The following SPTBN2 variants were observed in gnomAD, a reference collection of about 807,000 sequenced individuals.
SPTBN2 encodes the protein spectrin beta, non-erythrocytic 2.
A neutral mutation model predicts 284.2 loss-of-function variants in SPTBN2; 107 were observed. The observed-to-expected ratio is 0.38, with a 90% CI of 0.32 to 0.44. SPTBN2 has a LOEUF of 0.44. Ranked by LOEUF, SPTBN2 falls within the 20% of genes least tolerant of loss-of-function variation. The pLI is 1.00. For synonymous variants in SPTBN2, 1,289 were observed against 1,354.8 expected (o/e 0.95, Z 1.07); for missense variants, 2,569 against 3,287.1 (o/e 0.78, Z 5.34).
At chr11:66,696,680 C>T (rs541310672) in intron 20 of SPTBN2, 140 bp from the exon 21 acceptor site, 18 of 1,199,272 alleles carry the variant, frequency 1.5e-5, no homozygotes, top group Non-Finnish European at 2.2e-5. Context: ...CTTATCGACA[C>T]ACTCTTCACG....
At chr11:66,722,794 G>A (rs890812429) in intron 1 of SPTBN2, among the ~76,000 whole-genome samples, 24 of 150,288 alleles carry the variant, frequency 1.6e-4, no homozygotes, top group African/African-American at 5.6e-4. Flanking sequence ...CGGGGAGGCT[G>A]AGACAGGAGA....
At position 66,700,765 on chromosome 11, in the gene SPTBN2, C is replaced by T. The variant is rs1349095738; in HGVS notation, c.3334G>A (p.Gly1112Arg). The part of the protein sequence containing the change: ...ALLAQHAALR[G>R]EVERAQSEYS... ...TCGCTCTGGGCCCGCTCCACCTCTCCCCGCAGGGCTGCATGTTGGGCCAGG... is the reference window on the plus strand; with the variant it reads ...TCGCTCTGGGCCCGCTCCACCTCTCTCCGCAGGGCTGCATGTTGGGCCAGG... The change falls in exon 17 of 38, where the codon GGA (glycine) becomes AGA (arginine). Residue 1112 changes from glycine to arginine, a missense_variant. Around this residue, in one of 6 missense-constraint regions of SPTBN2, gnomAD observed 1,012 missense variants for 1,248.9 expected, o/e 0.81. Transcript: ENST00000533211. This position sits in a 1 kb window ranked among gnomAD's most constrained non-coding sequence, Gnocchi z 6.6. 1.9e-6 allele frequency: 3 copies of T among 1,602,132 alleles called. No individual in the cohort carries two copies. Among genetic ancestry groups the T allele is most frequent in the Non-Finnish European group, 2.5e-6 (3 of 1,179,814 alleles).
intron 1 of SPTBN2, among the ~76,000 whole-genome samples, chr11:66,737,456 C>A (rs190400878): frequency 7.2e-5 from 11 of 152,106 alleles, no homozygotes; most frequent in African/African-American, 2.4e-4. Context: ...GTATTCTCCA[C>A]GCCCCTTTAT....
chr11:66,701,393 A>G, intron 16 of SPTBN2, 111 bp from the exon 17 acceptor site: 1 of 1,532,980 alleles, frequency 6.5e-7, no homozygotes, highest in Non-Finnish European at 8.8e-7. Flanking sequence ...CTTTCTGGCC[A>G]GCAGCCGCTT....
intron 3 of SPTBN2, among the ~76,000 whole-genome samples, chr11:66,719,191 G>A (rs755190243): frequency 4.7e-4 from 71 of 152,234 alleles, no homozygotes; most frequent in Non-Finnish European, 7.9e-4. Context: ...GGCACTGTGC[G>A]AGGCATTTTC....
At chr11:66,690,386 C>T (rs1179583288) in intron 27 of SPTBN2, 103 bp from the exon 28 acceptor site, 1 of 1,430,218 alleles carries the variant, frequency 7.0e-7, no homozygotes, top group African/African-American at 1.4e-5. Context: ...GTCTCACAGC[C>T]AAAGAAGCAG....
intron 1 of SPTBN2, among the ~76,000 whole-genome samples, chr11:66,739,189 C>A (rs1455124289): frequency 6.6e-6 from 1 of 152,138 alleles, no homozygotes; most frequent in East Asian, 1.9e-4. Flanking sequence ...AATCCTCCTG[C>A]CTAGGCCTCC....
rs200104346 is a variant in SPTBN2 at position 66,699,052 on chromosome 11, T to C, written c.3807A>G (p.Gln1269=). ...GGTTGTCCCGAAGACGGCCCAGAAA[T>C]TGCTGCGCTGCGTCTTGATTCTTCT... ...RHKKNQDAAQ[Q]FLGRLRDNRE... is the part of the protein sequence containing the mutation. Residue 1269 remains glutamine, a synonymous_variant, in exon 19 of 38, where the codon CAA becomes CAG. Transcript: ENST00000533211. 1.2e-5 allele frequency: 20 copies of C among 1,614,210 alleles called. No homozygotes were observed. Among genetic ancestry groups the C allele is most frequent in the Non-Finnish European group, 1.7e-5 (20 of 1,180,024 alleles).
Position 66,686,110 on chromosome 11 carries a change from G to A in SPTBN2, c.6940-6C>T. On this transcript the variant is annotated splice_polypyrimidine_tract_variant and splice_region_variant and intron_variant, in intron 37 of 37. Coordinates refer to ENST00000533211, the MANE Select transcript of SPTBN2 (RefSeq NM_006946.4). Reference sequence around the variant, plus strand: ...AGCCACGAGCTCATCTCTGCCTGTGGATGGAAAGACCCTCAATCAGCTTCA... The same window carrying A: ...AGCCACGAGCTCATCTCTGCCTGTGAATGGAAAGACCCTCAATCAGCTTCA... 1 of 1,611,196 alleles carries A rather than the reference G, an allele frequency of 6.2e-7. No homozygotes were observed. Among genetic ancestry groups the A allele is most frequent in the Non-Finnish European group, 8.5e-7 (1 of 1,178,654 alleles).
At chr11:66,701,865 T>C in intron 15 of SPTBN2, 144 bp from the exon 16 acceptor site, 1 of 1,174,290 alleles carries the variant, frequency 8.5e-7, no homozygotes, top group Non-Finnish European at 1.2e-6. Flanking sequence ...TCTCAGCCTA[T>C]GAGGTTCATA....
chr11:66,702,802 G>C (rs1941315440), intron 15 of SPTBN2, among the ~76,000 whole-genome samples: 1 of 151,510 alleles, frequency 6.6e-6, no homozygotes, highest in African/African-American at 2.4e-5. Context: ...GCCAGGTGTG[G>C]TGGCGGGTGC....
In SPTBN2 at chr11:66,693,353, G is replaced by T. The variant is rs373224249; in HGVS notation, c.4687C>A (p.Leu1563Met). Reference sequence around the variant, plus strand: ...TTCCACATTTCCTGCAGCTCAGCCAGCTCTGGACCTGCTGCTGCTGCACCT... The same window carrying T: ...TTCCACATTTCCTGCAGCTCAGCCATCTCTGGACCTGCTGCTGCTGCACCT... ...ALGAAAAGPELAELQEMWKRL... is the reference protein window; with the variant it reads ...ALGAAAAGPEMAELQEMWKRL... The change falls in exon 24 of 38, where the codon CTG becomes ATG. Residue 1563 changes from leucine (L) to methionine (M), a missense_variant. Physicochemically the swap from Leu to Met is conservative, Grantham distance 15. This residue lies in a region of SPTBN2 where 1,130 missense variants were observed against 1,317.3 expected (regional missense o/e 0.86). Transcript: ENST00000533211. This position sits in a 1 kb window ranked among gnomAD's most constrained non-coding sequence, Gnocchi z 5.7. The T allele has an allele frequency of 1.9e-6, 3 of 1,607,246 alleles. No individual in the cohort carries two copies. The African/African-American group carries it at 4.0e-5, about 21-fold the overall frequency.
chr11:66,728,399 G>A (rs1256850398), intron 1 of SPTBN2: 1 of 148,920 alleles, frequency 6.7e-6, no homozygotes, highest in Non-Finnish European at 1.5e-5. Flanking sequence ...CGCCGCGGAA[G>A]GAGGACAATA....
rs551708 is a variant in SPTBN2 at position 66,718,672 on chromosome 11, T to C, written c.157+2412A>G. Among the ~76,000 whole-genome samples the C allele has an allele frequency of 0.65, 98,991 of 152,190 alleles. 32,711 individuals carry two copies. Among genetic ancestry groups the C allele is most frequent in the South Asian group, 0.82 (3,944 of 4,832 alleles). ...AGGGCCCAGAGTCCATGCTCCCCGC[T>C]GGCAGGGGGCCAGTTTCTGTTCCCC... is the stretch of plus-strand genomic sequence containing the variant. On this transcript the variant is annotated intron_variant, in intron 3 of 37. Transcript: ENST00000533211. This position sits in a 1 kb window ranked among gnomAD's most constrained non-coding sequence, Gnocchi z 4.8.
intron 1 of SPTBN2, chr11:66,727,904 T>C (rs905636139): frequency 6.7e-6 from 1 of 149,928 alleles, no homozygotes; most frequent in African/African-American, 2.4e-5. Flanking sequence ...CAGCCCTAAC[T>C]GTTCCAGACT....
chr11:66,701,660 T>C lies in SPTBN2; in HGVS notation c.2740A>G (p.Ile914Val). 1.9e-6 allele frequency: 3 copies of C among 1,614,026 alleles called. No homozygotes were observed. The highest frequency in any genetic ancestry group is 2.5e-6 in the Non-Finnish European group (3 of 1,180,018). The part of the protein sequence containing the change: ...LAAQITAVND[I>V]AEQLLKANPP... ...TTGGCCTTCAGTAACTGCTCGGCAA[T>C]GTCATTCACCGCGGTGATTTGTGCT... The change falls in exon 16 of 38, where the codon ATT (isoleucine) becomes GTT (valine). Residue 914 changes from isoleucine to valine, a missense_variant. Coordinates refer to ENST00000533211, the MANE Select transcript of SPTBN2 (RefSeq NM_006946.4).
rs1378364725 is a variant in SPTBN2, at chr11:66,700,941, G to T, written c.3158C>A (p.Thr1053Asn). The T allele has an allele frequency of 1.1e-5, 17 of 1,603,746 alleles. No individual in the cohort carries two copies. In the Admixed American group the frequency reaches 2.8e-4, roughly 27 times the overall value. The change falls in exon 17 of 38, where the codon ACC becomes AAC. Residue 1053 changes from threonine (T) to asparagine (N), a missense_variant. Around this residue, in one of 6 missense-constraint regions of SPTBN2, gnomAD observed 1,012 missense variants for 1,248.9 expected, o/e 0.81. Coordinates refer to ENST00000533211, the MANE Select transcript of SPTBN2 (RefSeq NM_006946.4). This position sits in a 1 kb window ranked among gnomAD's most constrained non-coding sequence, Gnocchi z 6.6. Reference protein sequence around the residue: ...VQTGWEDLRATMRRREESLGE... With the variant: ...VQTGWEDLRANMRRREESLGE... ...CAGCGACTCTTCTCGACGCCGCATG[G>T]TGGCCCTGAGGTCCTCCCAGCCGGT... is the stretch of plus-strand genomic sequence containing the variant.
rs753416292 is a variant in SPTBN2, at chr11:66,707,822, T to C, written c.1351-4A>G. The stretch of plus-strand genomic sequence containing the variant: ...CCAGCTCCAGCCCAAAGTTGTCCTG[T>C]GTCGGGGGCAGGGAGAGGAGGTGTG... On this transcript the variant is annotated splice_region_variant and splice_polypyrimidine_tract_variant and intron_variant, in intron 12 of 37. Coordinates refer to ENST00000533211, the MANE Select transcript of SPTBN2 (RefSeq NM_006946.4). This position sits in a 1 kb window ranked among gnomAD's most constrained non-coding sequence, Gnocchi z 4.9. 6.2e-7 allele frequency: 1 copy of C among 1,608,154 alleles called. No homozygotes were observed. The highest frequency in any genetic ancestry group is 8.5e-7 in the Non-Finnish European group (1 of 1,179,858).
chr11:66,710,492 C>T lies in SPTBN2; in HGVS notation c.1073+90G>A. The T allele has an allele frequency of 7.3e-7, 1 of 1,370,526 alleles. No homozygotes were observed. Among genetic ancestry groups the T allele is most frequent in the Non-Finnish European group, 1.0e-6 (1 of 984,234 alleles). 84.9% of individuals were successfully genotyped at this position (1,370,526 alleles called of 1,614,324 possible). A position where few individuals can be genotyped will look rare whatever the true frequency, so the allele number is the denominator to read the frequency against. ...AAATCTCCACTGCATTTATGTACTG[C>T]CAAATTTCCCTCCCTGAAGGCTGTG... On this transcript the variant is annotated intron_variant, in intron 10 of 37. Coordinates refer to ENST00000533211, the MANE Select transcript of SPTBN2 (RefSeq NM_006946.4). The surrounding 1 kb of genome is among the most constrained non-coding windows in gnomAD (Gnocchi z 4.9).
Sources: gnomAD v4.1 joint callset for allele counts (sites outside exome capture counted in the v4.1 genomes callset) on GRCh38, gnomAD v4.1.1 for gene constraint, gnomAD v4.1.1 regional missense constraint, Gnocchi (gnomAD v3.1) non-coding constraint, MANE v1.5 for transcripts, NCBI Gene and HGNC (gene_info 2026-07-23, HGNC 2026-07-21) for gene names.